Variants in RFX3 observed in about 807,000 individuals in gnomAD.
RFX3 encodes the protein transcription factor RFX3.
In RFX3, 14 loss-of-function variants were observed where a neutral mutation model predicts 98.6. That is an observed-to-expected ratio of 0.14 (90% CI 0.09 to 0.22). RFX3 has a LOEUF of 0.22. RFX3 is among the 10% of genes least tolerant of loss of function. RFX3 has a pLI of 1.00. For missense variants in RFX3, 639 were observed against 926.9 expected (o/e 0.69, Z 4.03); for synonymous variants, 383 against 328.4 (o/e 1.17, Z -1.80).
At position 3,219,975 on chromosome 9, in the gene RFX3, G is replaced by C. The variant is rs1221174273; in HGVS notation, c.*5067C>G. On this transcript the variant is annotated 3_prime_UTR_variant, in exon 17 of 17. Transcript: ENST00000617270. ...TCACGCAGGGAACAGAGGGAATCAA[G>C]TGCACGAAGAGATTCCCTTGAACAA... 1.3e-5 allele frequency: 2 copies of C among 152,174 alleles called. No homozygotes were observed. The highest frequency in any genetic ancestry group is 4.8e-5 in the African/African-American group (2 of 41,428). 9.4% of individuals were successfully genotyped at this position (152,174 alleles called of 1,614,324 possible).
At chr9:3,326,083 A>G (rs999353578) in intron 4 of RFX3, among the ~76,000 whole-genome samples, 18 of 152,098 alleles carry the variant, frequency 1.2e-4, no homozygotes, top group African/African-American at 4.1e-4. Flanking sequence ...CATCTTTCTG[A>G]AAATTGCTAT....
intron 2 of RFX3, among the ~76,000 whole-genome samples, chr9:3,370,623 G>A (rs1402173146): frequency 6.6e-6 from 1 of 151,942 alleles, no homozygotes; most frequent in Non-Finnish European, 1.5e-5. Context: ...ATTTAAGTGT[G>A]GGTTACACAA....
intron 3 of RFX3, among the ~76,000 whole-genome samples, chr9:3,331,545 G>T (rs1165955618): frequency 6.6e-6 from 1 of 151,936 alleles, no homozygotes; most frequent in African/African-American, 2.4e-5. Flanking sequence ...CTGAGAGTTT[G>T]GTGTATATGT....
Position 3,325,042 on chromosome 9 carries a change from G to A in RFX3, c.474+5217C>T, listed in dbSNP as rs141799515. Among the ~76,000 whole-genome samples the A allele has an allele frequency of 6.0e-3, 917 of 152,226 alleles. 3 individuals are homozygous for A. The highest frequency in any genetic ancestry group is 9.7e-3 in the Non-Finnish European group (663 of 68,022). On this transcript the variant is annotated intron_variant, in intron 4 of 16. Coordinates refer to ENST00000617270, the MANE Select transcript of RFX3 (RefSeq NM_001282116.2). The stretch of plus-strand genomic sequence containing the variant: ...GGTTGCCTCTAAGGATGAGAATTGG[G>A]AAACGGGTGAGAGAGACTCATGTAC...
intron 2 of RFX3, among the ~76,000 whole-genome samples, chr9:3,374,223 G>A (rs1378463377): frequency 6.6e-6 from 1 of 152,178 alleles, no homozygotes; most frequent in African/African-American, 2.4e-5. Flanking sequence ...CGCTCTGTTG[G>A]TGGGGATGTG....
chr9:3,496,092 T>C (rs759384226), intron 1 of RFX3, among the ~76,000 whole-genome samples: 59 of 152,016 alleles, frequency 3.9e-4, no homozygotes, highest in Admixed American at 7.9e-4. Context: ...ATATCAACAT[T>C]GTAAGGTGCT....
At chr9:3,508,420 T>G (rs1187103588) in intron 1 of RFX3, among the ~76,000 whole-genome samples, 1 of 151,948 alleles carries the variant, frequency 6.6e-6, no homozygotes, top group East Asian at 1.9e-4. Context: ...AAAAGTATAT[T>G]ATTTAGATCT....
chr9:3,348,109 C>A (rs559678180), intron 2 of RFX3, among the ~76,000 whole-genome samples: 2 of 152,266 alleles, frequency 1.3e-5, no homozygotes, highest in East Asian at 1.9e-4. Flanking sequence ...GTTCCCTTAT[C>A]CTTTTTATTT....
At chr9:3,503,416 T>C (rs1816268436) in intron 1 of RFX3, among the ~76,000 whole-genome samples, 2 of 152,156 alleles carry the variant, frequency 1.3e-5, no homozygotes, top group South Asian at 4.1e-4. Context: ...TTATATTTTA[T>C]TTTGTACCAT....
At chr9:3,338,581 G>A (rs377522530) in intron 3 of RFX3, among the ~76,000 whole-genome samples, 47 of 152,150 alleles carry the variant, frequency 3.1e-4, no homozygotes, top group African/African-American at 1.1e-3. Context: ...AGAATCACCC[G>A]GAGTGCCTGT....
chr9:3,407,420 T>C (rs186451780), intron 1 of RFX3, among the ~76,000 whole-genome samples: 45 of 152,202 alleles, frequency 3.0e-4, no homozygotes, highest in African/African-American at 1.1e-3. Flanking sequence ...AATAATTAAA[T>C]ATTTAATTAT....
At chr9:3,452,873 G>C (rs1255981498) in intron 1 of RFX3, among the ~76,000 whole-genome samples, 1 of 152,138 alleles carries the variant, frequency 6.6e-6, no homozygotes, top group Admixed American at 6.5e-5. Flanking sequence ...TAGTACCATA[G>C]AAAGTAGCAT....
At chr9:3,266,521 G>A (rs369848757) in intron 11 of RFX3, among the ~76,000 whole-genome samples, 3 of 151,670 alleles carry the variant, frequency 2.0e-5, no homozygotes, top group Admixed American at 1.3e-4. Context: ...TTTGTTCCCA[G>A]ATACTTATGA....
chr9:3,315,970 T>G (rs552085736), intron 4 of RFX3, among the ~76,000 whole-genome samples: 1 of 152,302 alleles, frequency 6.6e-6, no homozygotes, highest in East Asian at 1.9e-4. Context: ...GTACCATTCC[T>G]TCTGAAACTA....
At chr9:3,355,609 A>G (rs1835657057) in intron 2 of RFX3, among the ~76,000 whole-genome samples, 1 of 151,908 alleles carries the variant, frequency 6.6e-6, no homozygotes. Context: ...TGGAGACTTC[A>G]GCATTCTTTT....
chr9:3,314,880 C>T (rs894915970), intron 4 of RFX3, among the ~76,000 whole-genome samples: 2 of 152,116 alleles, frequency 1.3e-5, no homozygotes, highest in Non-Finnish European at 2.9e-5. Context: ...AAAGCAAGTC[C>T]TTAGAGACCT....
intron 1 of RFX3, among the ~76,000 whole-genome samples, chr9:3,497,539 C>A (rs1476563803): frequency 6.6e-6 from 1 of 151,852 alleles, no homozygotes; most frequent in East Asian, 1.9e-4. Context: ...TGAAGTCATG[C>A]TGATCTCTCG....
At chr9:3,332,434 T>C (rs1055642734) in intron 3 of RFX3, among the ~76,000 whole-genome samples, 2 of 152,308 alleles carry the variant, frequency 1.3e-5, no homozygotes, top group African/African-American at 2.4e-5. Context: ...CTATCTTATG[T>C]TGCTGCTCAA....
chr9:3,509,280 T>C (rs1006416768), intron 1 of RFX3, among the ~76,000 whole-genome samples: 1 of 151,932 alleles, frequency 6.6e-6, no homozygotes, highest in Non-Finnish European at 1.5e-5. Flanking sequence ...GCTGCCAGTA[T>C]TTTACTTTTG....
Sources: allele counts gnomAD v4.1 joint callset (sites outside exome capture counted in the v4.1 genomes callset), GRCh38; gene constraint gnomAD v4.1.1; transcripts MANE v1.5; gene names NCBI Gene and HGNC (gene_info 2026-07-23, HGNC 2026-07-21).